Variants in GABRG3 observed in about 807,000 individuals in gnomAD.
GABRG3 encodes gamma-aminobutyric acid receptor subunit gamma-3.
GABRG3 carries 25 observed loss-of-function variants against 48.8 expected under a neutral mutation model. That is an observed-to-expected ratio of 0.51 (90% CI 0.37 to 0.72). The LOEUF is 0.72. Among genes scored for constraint, GABRG3 ranks in the 30% least tolerant of loss-of-function variants. GABRG3 has a pLI of 0.00. For synonymous variants in GABRG3, 227 were observed against 217.6 expected, an observed-to-expected ratio of 1.04 and a Z score of -0.38; for missense variants, 394 against 577.9, an observed-to-expected ratio of 0.68 and a Z score of 3.26.
intron 3 of GABRG3, among the ~76,000 whole-genome samples, chr15:27,033,707 T>A (rs1275057014): frequency 6.6e-6 from 1 of 152,228 alleles, no homozygotes; most frequent in Non-Finnish European, 1.5e-5. Flanking sequence ...GATGGTCTTA[T>A]ATGTGGTTTT....
chr15:27,505,078 T>C (rs2150856000), intron 6 of GABRG3, among the ~76,000 whole-genome samples: 1 of 152,320 alleles, frequency 6.6e-6, no homozygotes, highest in Admixed American at 6.5e-5. Context: ...GATCCAATTA[T>C]TGATACCACG....
chr15:27,029,682 A>G (rs1464548847), intron 3 of GABRG3, among the ~76,000 whole-genome samples: 2 of 152,172 alleles, frequency 1.3e-5, no homozygotes, highest in Non-Finnish European at 2.9e-5. Flanking sequence ...AAGGTGAGAC[A>G]CGAGGAACCA....
chr15:27,359,702 C>T (rs534708323), intron 5 of GABRG3, among the ~76,000 whole-genome samples: 1 of 152,268 alleles, frequency 6.6e-6, no homozygotes, highest in African/African-American at 2.4e-5. Flanking sequence ...TAAACGTTTC[C>T]ATAAGTCGCC....
intron 5 of GABRG3, among the ~76,000 whole-genome samples, chr15:27,429,517 ACTGT>A (rs895879001): frequency 6.6e-6 from 1 of 152,194 alleles, no homozygotes; most frequent in African/African-American, 2.4e-5. Context: ...AACTGTCACC[ACTGT>A]CTAACTTTAG....
rs145230893 is a variant in GABRG3, at chr15:27,303,693, G to GTA, written c.271-23104_271-23103dup. On this transcript the variant is annotated intron_variant, in intron 3 of 9. Coordinates refer to ENST00000615808, the MANE Select transcript of GABRG3 (RefSeq NM_033223.5). Reference sequence around the variant, plus strand: ...ACTACACAATATATTTCATGGATGTGTATATATATATATCCATGTGTGTGG... The same window carrying GTA: ...ACTACACAATATATTTCATGGATGTGTATATATATATATATCCATGTGTGTGG... 7.2e-3 allele frequency among the ~76,000 whole-genome samples: 1,080 copies of GTA among 149,996 alleles called. 12 individuals are homozygous for GTA. The highest frequency in any genetic ancestry group is 0.048 in the Middle Eastern group (14 of 290).
At chr15:27,280,251 A>G (rs1249292657) in intron 3 of GABRG3, 1 of 152,134 alleles carries the variant, frequency 6.6e-6, no homozygotes, top group Non-Finnish European at 1.5e-5. Flanking sequence ...CTTTTAAAAA[A>G]TGTTTTTATT....
chr15:27,515,486 T>C (rs1473182741), intron 6 of GABRG3, among the ~76,000 whole-genome samples: 9 of 152,110 alleles, frequency 5.9e-5, no homozygotes, highest in Admixed American at 5.9e-4. Flanking sequence ...ACATTAGGCT[T>C]TTTGGCTGAG....
intron 5 of GABRG3, among the ~76,000 whole-genome samples, chr15:27,393,830 C>T (rs926973242): frequency 6.6e-6 from 1 of 152,170 alleles, no homozygotes. Context: ...ATGGCAGCCC[C>T]GCTGATACCT....
intron 5 of GABRG3, among the ~76,000 whole-genome samples, chr15:27,421,165 T>C (rs1339954642): frequency 6.6e-6 from 1 of 152,204 alleles, no homozygotes; most frequent in Non-Finnish European, 1.5e-5. Context: ...GAGCTGATAG[T>C]TAAGGCCAAG....
At chr15:27,083,345 AT>A (rs10657484) in intron 3 of GABRG3, among the ~76,000 whole-genome samples, 218 of 140,770 alleles carry the variant, frequency 1.5e-3, no homozygotes, top group Middle Eastern at 3.7e-3. Context: ...AGAGCTATTG[AT>A]TTTTTTTTTT....
chr15:27,316,195 T>TA (rs1168454362), intron 3 of GABRG3, among the ~76,000 whole-genome samples: 3 of 151,732 alleles, frequency 2.0e-5, no homozygotes, highest in Non-Finnish European at 4.4e-5. Flanking sequence ...CCATCCCGGC[T>TA]AAAAAAACGG....
chr15:27,286,887 T>C (rs1891631362), intron 3 of GABRG3, among the ~76,000 whole-genome samples: 1 of 152,150 alleles, frequency 6.6e-6, no homozygotes, highest in Non-Finnish European at 1.5e-5. Context: ...GCTGCCCTAC[T>C]CTCTCCCTCC....
intron 3 of GABRG3, among the ~76,000 whole-genome samples, chr15:27,113,893 T>A (rs867133419): frequency 6.6e-6 from 1 of 152,222 alleles, no homozygotes; most frequent in Non-Finnish European, 1.5e-5. Context: ...GTCTTTCCCC[T>A]TTACTTACTA....
chr15:27,487,326 A>C lies in GABRG3; in HGVS notation c.712+6539A>C, dbSNP rs1210213391. 3.3e-5 allele frequency among the ~76,000 whole-genome samples: 5 copies of C among 152,332 alleles called. No homozygotes were observed. The East Asian group carries it at 9.7e-4, about 29-fold the overall frequency. ...CTGAATAAATTATAACATTTAATAT[A>C]TTATGACAGTAATATTTCTACATAA... is the stretch of plus-strand genomic sequence containing the variant. On this transcript the variant is annotated intron_variant, in intron 6 of 9. Transcript: ENST00000615808.
chr15:27,299,143 G>T (rs1892108534), intron 3 of GABRG3, among the ~76,000 whole-genome samples: 1 of 150,822 alleles, frequency 6.6e-6, no homozygotes, highest in Non-Finnish European at 1.5e-5. Flanking sequence ...AACTAGCTGG[G>T]TGTGGTGGCA....
intron 3 of GABRG3, among the ~76,000 whole-genome samples, chr15:27,220,168 T>G (rs1035510780): frequency 6.6e-6 from 1 of 152,190 alleles, no homozygotes; most frequent in African/African-American, 2.4e-5. Flanking sequence ...AAAGCAGAAG[T>G]TACAGGCAAA....
intron 3 of GABRG3, among the ~76,000 whole-genome samples, chr15:27,308,551 A>T (rs1273336429): frequency 2.0e-5 from 3 of 148,744 alleles, no homozygotes; most frequent in African/African-American, 7.3e-5. Flanking sequence ...TATAATGTAA[A>T]CATACATGTT....
At chr15:27,385,017 A>G (rs1239381418) in intron 5 of GABRG3, among the ~76,000 whole-genome samples, 3 of 152,202 alleles carry the variant, frequency 2.0e-5, no homozygotes, top group Admixed American at 6.5e-5. Context: ...AAAAATATAT[A>G]GAATATTTTT....
At chr15:27,321,903 T>G (rs920301238) in intron 3 of GABRG3, among the ~76,000 whole-genome samples, 3 of 152,254 alleles carry the variant, frequency 2.0e-5, no homozygotes, top group Non-Finnish European at 4.4e-5. Flanking sequence ...GTCGCGGTAA[T>G]TCGTGGCTTA....
Sources: gnomAD v4.1 joint callset for allele counts (sites outside exome capture counted in the v4.1 genomes callset) on GRCh38, gnomAD v4.1.1 for gene constraint, MANE v1.5 for transcripts, NCBI Gene and HGNC (gene_info 2026-07-23, HGNC 2026-07-21) for gene names.